CCNB3: variants seen among roughly 807,000 people sequenced by gnomAD.
CCNB3 encodes the protein cyclin B3.
A neutral mutation model predicts 68.0 loss-of-function variants in CCNB3; 12 were observed. The observed-to-expected ratio is 0.18, with a 90% CI of 0.11 to 0.29. The LOEUF is 0.29. Among genes scored for constraint, CCNB3 ranks in the 10% least tolerant of loss-of-function variants. CCNB3 has a pLI of 1.00. For synonymous variants in CCNB3, 354 were observed against 388.9 expected, an observed-to-expected ratio of 0.91 and a Z score of 1.06; for missense variants, 904 against 993.1, an observed-to-expected ratio of 0.91 and a Z score of 1.21.
chrX:50,351,300 A>G lies in CCNB3; in HGVS notation c.4020A>G (p.Arg1340=). The change falls in exon 12 of 13, where the codon AGA becomes AGG. Residue 1340 remains arginine (R), a synonymous_variant. Transcript: ENST00000376042. ...TCTCTGAGCTTCACCCCTTGGTCAG[A>G]CAGCTGAACAAACTGCTGACTTTCA... ...YSISELHPLV[R]QLNKLLTFSS... The G allele has an allele frequency of 8.3e-7, 1 of 1,209,250 alleles. No homozygotes were observed. The highest frequency in any genetic ancestry group is 1.8e-5 in the South Asian group (1 of 56,908).
At chrX:50,279,297 TATGA>T (rs1936028840) in intron 1 of CCNB3, among the ~76,000 whole-genome samples, 1 of 71,922 alleles carries the variant, frequency 1.4e-5, no homozygotes, top group Non-Finnish European at 2.3e-5. Context: ...TATAAATATA[TATGA>T]ATATTTATAT....
chrX:50,324,024 T>A (rs1417820538), intron 8 of CCNB3, among the ~76,000 whole-genome samples: 1 of 112,286 alleles, frequency 8.9e-6, no homozygotes, highest in Non-Finnish European at 1.9e-5. Flanking sequence ...ATTTTACTTT[T>A]TTGTGTTTGT....
At chrX:50,326,782 A>C in intron 8 of CCNB3, among the ~76,000 whole-genome samples, 1 of 111,533 alleles carries the variant, frequency 9.0e-6, no homozygotes, top group Non-Finnish European at 1.9e-5. Flanking sequence ...TTGCATAAAT[A>C]GACACTTACT....
chrX:50,207,687 A>G (rs1557205723), intron 1 of CCNB3, among the ~76,000 whole-genome samples: 1 of 111,931 alleles, frequency 8.9e-6, no homozygotes, highest in Non-Finnish European at 1.9e-5. Flanking sequence ...TCTTCAATGT[A>G]ACAGTTTTTA....
At chrX:50,305,776 CTTTTTT>C (rs146498028) in intron 5 of CCNB3, among the ~76,000 whole-genome samples, 3 of 37,177 alleles carry the variant, frequency 8.1e-5, no homozygotes, top group African/African-American at 1.7e-4. Flanking sequence ...TTCTTTCTTT[CTTTTTT>C]TTTTTTTTTT....
At chrX:50,221,235 C>A (rs1935668006) in intron 1 of CCNB3, among the ~76,000 whole-genome samples, 1 of 111,148 alleles carries the variant, frequency 9.0e-6, no homozygotes, top group African/African-American at 3.3e-5. Flanking sequence ...CTCCTGTATT[C>A]TTCGATTTTT....
intron 1 of CCNB3, among the ~76,000 whole-genome samples, chrX:50,279,445 AAT>A (rs1936042662): frequency 1.4e-5 from 1 of 70,387 alleles, no homozygotes; most frequent in Non-Finnish European, 2.6e-5. Flanking sequence ...TATATATATA[AAT>A]ATATAAATAT....
intron 8 of CCNB3, among the ~76,000 whole-genome samples, chrX:50,333,422 G>T (rs1557218372): frequency 8.9e-6 from 1 of 111,986 alleles, no homozygotes; most frequent in Non-Finnish European, 1.9e-5. Flanking sequence ...CCATAAGCTT[G>T]TATGCTGGGT....
chrX:50,319,715 A>G (rs1557216305), intron 8 of CCNB3, among the ~76,000 whole-genome samples: 1 of 111,989 alleles, frequency 8.9e-6, no homozygotes, highest in East Asian at 2.8e-4. Context: ...ATTGACTTTA[A>G]CTATTAGTGT....
In CCNB3 at chrX:50,310,182, C is replaced by A. The variant is rs781787863; in HGVS notation, c.2013C>A (p.Phe671Leu). The change falls in exon 6 of 13, where the codon TTC (phenylalanine) becomes TTA (leucine). Residue 671 changes from phenylalanine (F) to leucine (L), a missense_variant. Transcript: ENST00000376042. ...IQEKATTEEEFSQELFSLHVK... is the reference protein window; with the variant it reads ...IQEKATTEEELSQELFSLHVK... ...AGAAGGCTACCACTGAGGAGGAATT[C>A]TCTCAGGAACTATTTTCATTGCATG... 1 of 1,208,585 alleles carries A rather than the reference C, an allele frequency of 8.3e-7. No individual in the cohort carries two copies. Among genetic ancestry groups the A allele is most frequent in the Non-Finnish European group, 1.1e-6 (1 of 893,408 alleles).
intron 11 of CCNB3, among the ~76,000 whole-genome samples, chrX:50,350,248 TACACACAC>T (rs35500925): frequency 5.3e-5 from 5 of 95,224 alleles, no homozygotes; most frequent in African/African-American, 1.2e-4. Flanking sequence ...CATACACAAA[TACACACAC>T]ACACACACAC....
Position 50,311,074 on chromosome X carries a change from C to T in CCNB3, c.2905C>T (p.Pro969Ser), listed in dbSNP as rs782222168. ...EDTFLKTLLVPQVGTSPNVSS... is the reference protein window; with the variant it reads ...EDTFLKTLLVSQVGTSPNVSS... ...CACCTTTCTCAAAACATTGTTGGTC[C>T]CCCAAGTTGGAACCAGCCCAAATGT... Residue 969 changes from proline to serine, a missense_variant, in exon 6 of 13, where the codon CCC becomes TCC. Around this residue, in one of 2 missense-constraint regions of CCNB3, gnomAD observed 285 missense variants for 383.4 expected, o/e 0.74. Coordinates refer to ENST00000376042, the MANE Select transcript of CCNB3 (RefSeq NM_033031.3). The T allele has an allele frequency of 1.6e-5, 19 of 1,206,825 alleles. No homozygotes were observed. The Admixed American group carries it at 3.3e-4, about 21-fold the overall frequency.
chrX:50,296,884 G>A (rs1602209374), intron 5 of CCNB3, among the ~76,000 whole-genome samples: 1 of 110,087 alleles, frequency 9.1e-6, no homozygotes, highest in South Asian at 4.0e-4. Context: ...GGCCAGTGAT[G>A]ATGAGCATTT....
chrX:50,227,791 A>G (rs1211415006), intron 1 of CCNB3, among the ~76,000 whole-genome samples: 2 of 83,459 alleles, frequency 2.4e-5, no homozygotes, highest in Non-Finnish European at 4.3e-5. Flanking sequence ...ATATATAAAT[A>G]TATATAGAGA....
At chrX:50,221,735 A>C (rs1217852432) in intron 1 of CCNB3, among the ~76,000 whole-genome samples, 1 of 111,696 alleles carries the variant, frequency 9.0e-6, no homozygotes, top group African/African-American at 3.3e-5. Context: ...GCTGAGAAGA[A>C]TGTATATTCT....
chrX:50,344,135 G>T (rs1923276671), intron 9 of CCNB3, among the ~76,000 whole-genome samples: 1 of 112,405 alleles, frequency 8.9e-6, no homozygotes, highest in Admixed American at 9.4e-5. Flanking sequence ...ATTGCCTACA[G>T]AATTCAGTAG....
At chrX:50,290,191 A>G (rs1429614632) in intron 4 of CCNB3, among the ~76,000 whole-genome samples, 2 of 112,018 alleles carry the variant, frequency 1.8e-5, no homozygotes, top group African/African-American at 6.5e-5. Flanking sequence ...GTGCAAGGAA[A>G]GTGTCTAAGT....
chrX:50,285,106 A>T, intron 2 of CCNB3, 21 bp from the exon 3 acceptor site: 7 of 882,992 alleles, frequency 7.9e-6, no homozygotes, highest in Non-Finnish European at 1.2e-5. Context: ...ATGGTGTTAA[A>T]GAGCCTCTTT....
chrX:50,336,500 C>T, intron 8 of CCNB3, among the ~76,000 whole-genome samples: 1 of 111,969 alleles, frequency 8.9e-6, no homozygotes, highest in Non-Finnish European at 1.9e-5. Context: ...CCTGTTTCTG[C>T]AATTTTCTCC....
Sources: allele counts gnomAD v4.1 joint callset (sites outside exome capture counted in the v4.1 genomes callset), GRCh38; gene constraint gnomAD v4.1.1; regional missense constraint gnomAD v4.1.1; transcripts MANE v1.5; gene names NCBI Gene and HGNC (gene_info 2026-07-23, HGNC 2026-07-21).